Variants in MIA2 observed in about 807,000 individuals in gnomAD.
The protein encoded by MIA2 is MIA SH3 domain ER export factor 2.
In MIA2, 127 loss-of-function variants were observed where a neutral mutation model predicts 167.8. That is an observed-to-expected ratio of 0.76 (90% CI 0.66 to 0.88). The LOEUF (loss-of-function observed/expected upper bound fraction) is 0.88. Ranked by LOEUF, MIA2 falls within the 40% of genes least tolerant of loss-of-function variation. The probability of loss-of-function intolerance (pLI) is 0.00; values close to 1 mark genes in which losing one functional copy is unlikely to be tolerated. For synonymous variants in MIA2, 552 were observed against 541.9 expected, an observed-to-expected ratio of 1.02 and a Z score of -0.26; for missense variants, 1,690 against 1,624.7, an observed-to-expected ratio of 1.04 and a Z score of -0.69.
intron 23 of MIA2, among the ~76,000 whole-genome samples, chr14:39,359,142 C>A (rs370275296): frequency 4.6e-5 from 7 of 152,168 alleles, no homozygotes; most frequent in Non-Finnish European, 8.8e-5. Context: ...TGTGCCCTGC[C>A]CCCAGAGGTG....
chr14:39,367,352 G>T (rs947580898), intron 23 of MIA2, among the ~76,000 whole-genome samples: 8 of 152,220 alleles, frequency 5.3e-5, no homozygotes, highest in Admixed American at 3.3e-4. Flanking sequence ...CCCTAGAGCA[G>T]AAGGCCTAGT....
chr14:39,362,732 T>C (rs768812508), intron 23 of MIA2, among the ~76,000 whole-genome samples: 1 of 152,124 alleles, frequency 6.6e-6, no homozygotes, highest in Non-Finnish European at 1.5e-5. Context: ...TTGGGTTTGG[T>C]TTGTTCTTGC....
In MIA2 at chr14:39,236,998, A is replaced by G; in HGVS notation, c.192A>G (p.Glu64=). The change falls in exon 2 of 29, where the codon GAA becomes GAG. Residue 64 remains glutamate, a synonymous_variant. Transcript: ENST00000640607. ...DCRYLNFTKG[E]EISVYVKLAG... is the part of the protein sequence containing the mutation. ...GATACCTGAACTTCACTAAGGGAGA[A>G]GAGATATCTGTTTATGTTAAACTTG... The G allele has an allele frequency of 6.2e-7, 1 of 1,613,762 alleles. No individual in the cohort carries two copies. Among genetic ancestry groups the G allele is most frequent in the Non-Finnish European group, 8.5e-7 (1 of 1,179,616 alleles).
intron 6 of MIA2, among the ~76,000 whole-genome samples, chr14:39,268,296 A>G (rs2056404280): frequency 6.6e-6 from 1 of 152,162 alleles, no homozygotes. Context: ...AGGTGAATTA[A>G]AGGTAGTGTT....
At chr14:39,275,138 T>TG (rs1485008598) in intron 6 of MIA2, among the ~76,000 whole-genome samples, 27 of 117,034 alleles carry the variant, frequency 2.3e-4, no homozygotes, top group Admixed American at 8.9e-4. Context: ...TCCTTAATCC[T>TG]TTGTGTGTGT....
At chr14:39,263,618 CCT>C (rs200385683) in intron 6 of MIA2, among the ~76,000 whole-genome samples, 77 of 143,542 alleles carry the variant, frequency 5.4e-4, no homozygotes, top group Middle Eastern at 3.6e-3. Context: ...TTCCTTCCTT[CCT>C]CTCTCTCTCT....
chr14:39,286,338 G>C (rs1298189263), intron 9 of MIA2, among the ~76,000 whole-genome samples: 3 of 151,912 alleles, frequency 2.0e-5, no homozygotes, highest in Admixed American at 1.3e-4. Flanking sequence ...GCAGGCACTC[G>C]GCAGGCTGAG....
chr14:39,269,626 C>T (rs1456947041), intron 6 of MIA2, among the ~76,000 whole-genome samples: 1 of 151,538 alleles, frequency 6.6e-6, no homozygotes, highest in Non-Finnish European at 1.5e-5. Flanking sequence ...CTCAGGTGAT[C>T]CTCCCACCTC....
Position 39,311,466 on chromosome 14 carries a change from C to CTTTTTTTTTT in MIA2, c.3018-1857_3018-1848dup, listed in dbSNP as rs35478238. Among the ~76,000 whole-genome samples, 2 of 43,322 alleles carry CTTTTTTTTTT rather than the reference C, an allele frequency of 4.6e-5. 1 individual carries two copies. The allele number at this position is 43,322 out of a possible 152,430, so 28.4% of individuals were successfully genotyped here. A position where few individuals can be genotyped will look rare whatever the true frequency, so the allele number is the denominator to read the frequency against. On this transcript the variant is annotated intron_variant, in intron 18 of 28. Transcript: ENST00000640607. ...TAGGACCTAGAAGCTTGATGTGTTG[C>CTTTTTTTTTT]TTTTTTTTTTTTTTTTTTTTTTTTT...
At chr14:39,355,294 T>A (rs182140617), downstream of MIA2, among the ~76,000 whole-genome samples, 155 of 152,344 alleles carry the variant, frequency 1.0e-3, no homozygotes, top group African/African-American at 3.5e-3. Context: ...GTTGGATTCC[T>A]AGGTATTTTA....
chr14:39,342,812 T>G (rs1170077468), intron 25 of MIA2, among the ~76,000 whole-genome samples: 1 of 152,342 alleles, frequency 6.6e-6, no homozygotes, highest in East Asian at 1.9e-4. Context: ...CAGCTATTCA[T>G]GAGTTTAGCG....
chr14:39,264,643 A>G (rs947195569), intron 6 of MIA2, among the ~76,000 whole-genome samples: 2 of 152,230 alleles, frequency 1.3e-5, no homozygotes, highest in Non-Finnish European at 2.9e-5. Flanking sequence ...TCCTGATTCA[A>G]TATGTTCTGA....
chr14:39,321,587 A>G (rs1032063596), intron 24 of MIA2, among the ~76,000 whole-genome samples: 3 of 152,062 alleles, frequency 2.0e-5, no homozygotes, highest in Non-Finnish European at 2.9e-5. Context: ...AAGTGCTGGG[A>G]TTACAGGCGT....
intron 11 of MIA2, 89 bp downstream of exon 11, chr14:39,293,470 TA>T: frequency 1.1e-6 from 1 of 926,376 alleles, no homozygotes; most frequent in Non-Finnish European, 1.6e-6. Context: ...AGTATTACAT[TA>T]TTGTAAAAAA....
chr14:39,328,242 T>A (rs1306827950), intron 25 of MIA2, among the ~76,000 whole-genome samples: 1 of 152,254 alleles, frequency 6.6e-6, no homozygotes, highest in Non-Finnish European at 1.5e-5. Context: ...TTTTTTCATA[T>A]GTTTGTTGGC....
intron 4 of MIA2, among the ~76,000 whole-genome samples, chr14:39,248,962 C>A (rs1372633965): frequency 6.6e-6 from 1 of 152,086 alleles, no homozygotes; most frequent in Non-Finnish European, 1.5e-5. Context: ...TGGTCTCGAA[C>A]TCCTGAGCTC....
At chr14:39,333,948 G>T in intron 25 of MIA2, among the ~76,000 whole-genome samples, 1 of 152,232 alleles carries the variant, frequency 6.6e-6, no homozygotes, top group Middle Eastern at 3.4e-3. Context: ...GGGCCAACCT[G>T]TGTCAACTAT....
chr14:39,294,320 C>T (rs1668350885), intron 12 of MIA2, among the ~76,000 whole-genome samples: 1 of 152,050 alleles, frequency 6.6e-6, no homozygotes, highest in African/African-American at 2.4e-5. Context: ...GCCTTAGCCT[C>T]CTGAATAGCT....
chr14:39,334,972 G>C (rs1566966669), intron 25 of MIA2, among the ~76,000 whole-genome samples: 1 of 152,110 alleles, frequency 6.6e-6, no homozygotes, highest in Non-Finnish European at 1.5e-5. Flanking sequence ...TCTTCTGGCT[G>C]GGTGCAGTGG....
Sources: gnomAD v4.1 joint callset for allele counts (sites outside exome capture counted in the v4.1 genomes callset) on GRCh38, gnomAD v4.1.1 for gene constraint, MANE v1.5 for transcripts, NCBI Gene and HGNC (gene_info 2026-07-23, HGNC 2026-07-21) for gene names.